LRFN5: variants seen among roughly 807,000 people sequenced by gnomAD.
LRFN5 encodes leucine rich repeat and fibronectin type III domain containing 5, also known as leucine-rich repeat and fibronectin type-III domain-containing protein 5.
LRFN5 carries 24 observed loss-of-function variants against 45.6 expected under a neutral mutation model. The observed-to-expected ratio is 0.53, with a 90% confidence interval of 0.38 to 0.74. The LOEUF (loss-of-function observed/expected upper bound fraction) is 0.74, where lower values mean the gene tolerates loss of function less well. LRFN5 is among the 30% of genes least tolerant of loss of function. The pLI is 0.00. For missense variants in LRFN5, 776 were observed against 861.5 expected, an observed-to-expected ratio of 0.90 and a Z score of 1.24; for synonymous variants, 340 against 313.8, an observed-to-expected ratio of 1.08 and a Z score of -0.88.
chr14:41,733,022 T>TAAAA (rs1884248091), intron 1 of LRFN5, among the ~76,000 whole-genome samples: 1 of 150,734 alleles, frequency 6.6e-6, no homozygotes, highest in Non-Finnish European at 1.5e-5. Context: ...GATAGAGCAT[T>TAAAA]AAAAATTATA....
At chr14:41,894,507 G>T in intron 4 of LRFN5, 1 of 966,796 alleles carries the variant, frequency 1.0e-6, no homozygotes, top group Non-Finnish European at 1.2e-6. Flanking sequence ...TCTGGCCTGA[G>T]ATTTTGCCCT....
Position 41,904,417 on chromosome 14 carries a change from AAAAG to A in LRFN5, c.*246_*249del. ...TGGCCTACAAGTATTTTTTTTTTAA[AAAAG>A]AAAAAAAGCCTACATTGGCATCAAG... is the stretch of plus-strand genomic sequence containing the variant. On this transcript the variant is annotated 3_prime_UTR_variant, in exon 6 of 6. Coordinates refer to ENST00000298119, the MANE Select transcript of LRFN5 (RefSeq NM_152447.5). 2.3e-6 allele frequency: 1 copy of A among 438,968 alleles called. No homozygotes were observed. The highest frequency in any genetic ancestry group is 5.1e-5 in the South Asian group (1 of 19,740). The allele number at this position is 438,968 out of a possible 1,614,324, so 27.2% of individuals were successfully genotyped here. A position where few individuals can be genotyped will look rare whatever the true frequency, so the allele number is the denominator to read the frequency against.
chr14:41,796,748 C>A (rs1018866172), intron 2 of LRFN5, among the ~76,000 whole-genome samples: 1 of 151,846 alleles, frequency 6.6e-6, no homozygotes, highest in Non-Finnish European at 1.5e-5. Context: ...ACCTCACAAG[C>A]ATGGCAACAT....
intron 2 of LRFN5, among the ~76,000 whole-genome samples, chr14:41,790,507 A>G (rs931138204): frequency 2.0e-5 from 3 of 149,846 alleles, no homozygotes; most frequent in Non-Finnish European, 3.0e-5. Flanking sequence ...TTTCCTAACT[A>G]TGGTGGATTT....
intron 2 of LRFN5, among the ~76,000 whole-genome samples, chr14:41,793,160 G>GA (rs537474247): frequency 2.0e-5 from 3 of 149,858 alleles, no homozygotes; most frequent in African/African-American, 7.4e-5. Context: ...AAAAAAAAAA[G>GA]AAAAAAAAAG....
chr14:41,736,409 G>T (rs1167537457), intron 1 of LRFN5, among the ~76,000 whole-genome samples: 2 of 152,108 alleles, frequency 1.3e-5, no homozygotes, highest in Non-Finnish European at 2.9e-5. Context: ...GTCTTCTTTT[G>T]AGAAGTGTCT....
intron 1 of LRFN5, among the ~76,000 whole-genome samples, chr14:41,735,132 T>G (rs1884368566): frequency 6.6e-6 from 1 of 152,216 alleles, no homozygotes; most frequent in Admixed American, 6.5e-5. Flanking sequence ...GAATTTTATA[T>G]TTTTACATGT....
rs1555326983 is a variant in LRFN5, at chr14:41,856,677, T to TATTATTATTA, written c.-20-29929_-20-29928insATTATTATTA. The stretch of plus-strand genomic sequence containing the variant: ...CTTTCCTAATTATTATTATTATTAT[T>TATTATTATTA]TTTTTTTTTTTTTTTTTGAGACGGA... On this transcript the variant is annotated intron_variant, in intron 2 of 5. Transcript: ENST00000298119. Among the ~76,000 whole-genome samples, 29 of 14,372 alleles carry TATTATTATTA rather than the reference T, an allele frequency of 2.0e-3. 1 individual carries two copies. Among genetic ancestry groups the TATTATTATTA allele is most frequent in the African/African-American group, 3.9e-3 (25 of 6,404 alleles). 9.4% of individuals were successfully genotyped at this position (14,372 alleles called of 152,430 possible).
At chr14:41,688,006 G>A (rs888275769) in intron 1 of LRFN5, among the ~76,000 whole-genome samples, 9 of 152,262 alleles carry the variant, frequency 5.9e-5, no homozygotes, top group African/African-American at 2.2e-4. Context: ...ATGAGATCTT[G>A]TCAGCAACAA....
At chr14:41,671,589 G>A (rs78664247) in intron 1 of LRFN5, among the ~76,000 whole-genome samples, 3,035 of 143,108 alleles carry the variant, frequency 0.021, 47 homozygotes, top group Non-Finnish European at 0.031. Flanking sequence ...ACCATTGTGT[G>A]GATGTGGAGG....
At chr14:41,833,359 TTCAA>T (rs1888550094) in intron 2 of LRFN5, among the ~76,000 whole-genome samples, 1 of 152,188 alleles carries the variant, frequency 6.6e-6, no homozygotes, top group Non-Finnish European at 1.5e-5. Context: ...GTTCTCTGGA[TTCAA>T]TCAGAGAGGT....
At chr14:41,859,614 A>G (rs1889593110) in intron 2 of LRFN5, among the ~76,000 whole-genome samples, 1 of 152,240 alleles carries the variant, frequency 6.6e-6, no homozygotes, top group South Asian at 2.1e-4. Context: ...AGTGCTATAA[A>G]TGAGTTCAAA....
intron 2 of LRFN5, among the ~76,000 whole-genome samples, chr14:41,780,099 T>G (rs553423725): frequency 6.6e-6 from 1 of 151,904 alleles, no homozygotes; most frequent in Non-Finnish European, 1.5e-5. Context: ...CCGTAGGCAG[T>G]GCTTTCACTG....
At chr14:41,763,864 C>A (rs1885767940) in intron 1 of LRFN5, among the ~76,000 whole-genome samples, 1 of 152,064 alleles carries the variant, frequency 6.6e-6, no homozygotes, top group African/African-American at 2.4e-5. Flanking sequence ...AATATGGCAT[C>A]CACAATAATT....
chr14:41,751,187 T>C (rs1156432460), intron 1 of LRFN5, among the ~76,000 whole-genome samples: 1 of 152,084 alleles, frequency 6.6e-6, no homozygotes, highest in African/African-American at 2.4e-5. Context: ...ACAATTATAA[T>C]TCAAGATGAG....
At position 41,759,218 on chromosome 14, in the gene LRFN5, C is replaced by T. The variant is rs374778260; in HGVS notation, c.-196-7636C>T. ...GCTTCTCGTGCTTGTAGATATTTCT[C>T]ACACCCATATTGCTTTTCAGAATAT... On this transcript the variant is annotated intron_variant, in intron 1 of 5. Transcript: ENST00000298119. Among the ~76,000 whole-genome samples, 31 of 152,306 alleles carry T rather than the reference C, an allele frequency of 2.0e-4. 1 individual carries two copies. In the South Asian group the frequency reaches 5.8e-3, roughly 28 times the overall value.
intron 2 of LRFN5, among the ~76,000 whole-genome samples, chr14:41,855,032 G>A (rs1889404673): frequency 6.6e-6 from 1 of 152,168 alleles, no homozygotes; most frequent in African/African-American, 2.4e-5. Context: ...AAAAACGTCT[G>A]CATTTAAACC....
intron 1 of LRFN5, among the ~76,000 whole-genome samples, chr14:41,749,929 A>G (rs1278757432): frequency 1.3e-5 from 2 of 152,176 alleles, no homozygotes; most frequent in African/African-American, 4.8e-5. Context: ...GACAACTAGC[A>G]CATATTTAAA....
In LRFN5 at chr14:41,724,799, T is replaced by C. The variant is rs746747007; in HGVS notation, c.-196-42055T>C. ...TCAACCCGCCCTTATGAGAATCATG[T>C]CAGTTCTTCATTCATCTTTGTCCCA... On this transcript the variant is annotated intron_variant, in intron 1 of 5. Coordinates refer to ENST00000298119, the MANE Select transcript of LRFN5 (RefSeq NM_152447.5). Among the ~76,000 whole-genome samples the C allele has an allele frequency of 5.3e-5, 8 of 152,336 alleles. No homozygotes were observed. The South Asian group carries it at 1.7e-3, about 32-fold the overall frequency.
Sources: gnomAD v4.1 joint callset for allele counts (sites outside exome capture counted in the v4.1 genomes callset) on GRCh38, gnomAD v4.1.1 for gene constraint, MANE v1.5 for transcripts, NCBI Gene and HGNC (gene_info 2026-07-23, HGNC 2026-07-21) for gene names.